Variants in DBR1 observed in about 807,000 individuals in gnomAD.
DBR1 encodes the protein lariat debranching enzyme.
A neutral mutation model predicts 45.9 loss-of-function variants in DBR1; 33 were observed. The observed-to-expected ratio is 0.72, with a 90% CI of 0.55 to 0.96. The LOEUF (loss-of-function observed/expected upper bound fraction) is 0.96. Among genes scored for constraint, DBR1 ranks in the 40% least tolerant of loss-of-function variants. DBR1 has a pLI of 0.00. For missense variants in DBR1, 619 were observed against 667.4 expected, an observed-to-expected ratio of 0.93 and a Z score of 0.80; for synonymous variants, 235 against 235.9, an observed-to-expected ratio of 1.00 and a Z score of 0.04.
intron 5 of DBR1, among the ~76,000 whole-genome samples, chr3:138,165,801 G>A (rs1410571965): frequency 6.6e-6 from 1 of 152,194 alleles, no homozygotes; most frequent in African/African-American, 2.4e-5. Flanking sequence ...AAGGAAAAGT[G>A]ATCTCTGGTG....
chr3:138,162,060 A>G lies in DBR1; in HGVS notation c.1464T>C (p.Asp488=), dbSNP rs763514594. The G allele has an allele frequency of 4.3e-6, 7 of 1,613,984 alleles. No homozygotes were observed. Among genetic ancestry groups the G allele is most frequent in the South Asian group, 1.1e-5 (1 of 91,064 alleles). The change falls in exon 8 of 8, where the codon GAT becomes GAC. Residue 488 remains aspartate (D), a synonymous_variant. Coordinates refer to ENST00000260803, the MANE Select transcript of DBR1 (RefSeq NM_016216.4). ...CAGTCCCACCAGGTTTCCCCTCTCT[A>G]TCAATTGTGGAATCCACCGTATCAT... is the stretch of plus-strand genomic sequence containing the variant. ...SSDDTVDSTI[D]REGKPGGTVE...
chr3:138,169,649 T>C (rs1405299577), intron 4 of DBR1, among the ~76,000 whole-genome samples: 1 of 152,124 alleles, frequency 6.6e-6, no homozygotes, highest in Non-Finnish European at 1.5e-5. Flanking sequence ...AAAAAAAATT[T>C]TGCCGGGCAC....
chr3:138,172,873 T>A (rs2042961486), intron 2 of DBR1, among the ~76,000 whole-genome samples: 1 of 152,142 alleles, frequency 6.6e-6, no homozygotes, highest in African/African-American at 2.4e-5. Context: ...TGGGTCCTAT[T>A]TAAACCAATT....
In DBR1 at chr3:138,169,025, T is replaced by G. The variant is rs868771090; in HGVS notation, c.489+1082A>C. Among the ~76,000 whole-genome samples, 9 of 151,604 alleles carry G rather than the reference T, an allele frequency of 5.9e-5. No homozygotes were observed. In the South Asian group the frequency reaches 1.7e-3, roughly 28 times the overall value. ...GCATCTAAGTTGGGTCTTAAAGGAC[T>G]GGTAGGATTTAGATAGGTGAAAGAG... is the stretch of plus-strand genomic sequence containing the variant. On this transcript the variant is annotated intron_variant, in intron 4 of 7. Transcript: ENST00000260803.
In DBR1 at chr3:138,161,144, T is replaced by C. The variant is rs1373556668; in HGVS notation, c.*745A>G. 1 of 152,158 alleles carries C rather than the reference T, an allele frequency of 6.6e-6. No individual in the cohort carries two copies. Among genetic ancestry groups the C allele is most frequent in the Non-Finnish European group, 1.5e-5 (1 of 68,020 alleles). The allele number at this position is 152,158 out of a possible 1,614,324, so 9.4% of individuals were successfully genotyped here. ...TGAAAAGAAAGCATACATCATAATATATACAATGACTTGATTTTATAAAAC... is the reference window on the plus strand; with the variant it reads ...TGAAAAGAAAGCATACATCATAATACATACAATGACTTGATTTTATAAAAC... On this transcript the variant is annotated 3_prime_UTR_variant, in exon 8 of 8. Coordinates refer to ENST00000260803, the MANE Select transcript of DBR1 (RefSeq NM_016216.4).
chr3:138,167,671 C>G (rs1384072742), intron 4 of DBR1, among the ~76,000 whole-genome samples: 1 of 152,292 alleles, frequency 6.6e-6, no homozygotes, highest in South Asian at 2.1e-4. Context: ...TTGGGCCGGG[C>G]GCGGTGGCTC....
Position 138,170,095 on chromosome 3 carries a change from C to A in DBR1, c.489+12G>T. 6.6e-7 allele frequency: 1 copy of A among 1,520,774 alleles called. No homozygotes were observed. Among genetic ancestry groups the A allele is most frequent in the South Asian group, 1.2e-5 (1 of 86,742 alleles). 94.2% of individuals were successfully genotyped at this position (1,520,774 alleles called of 1,614,324 possible). A position where few individuals can be genotyped will look rare whatever the true frequency, so the allele number is the denominator to read the frequency against. Reference sequence around the variant, plus strand: ...ATGTTTTCAAGTCTGCTGTAATGCGCTTTTTACGTACCTGTTTTAATTTAT... The same window carrying A: ...ATGTTTTCAAGTCTGCTGTAATGCGATTTTTACGTACCTGTTTTAATTTAT... On this transcript the variant is annotated intron_variant, in intron 4 of 7. Transcript: ENST00000260803.
chr3:138,166,493 G>T (rs956408003), intron 5 of DBR1, among the ~76,000 whole-genome samples: 1 of 152,074 alleles, frequency 6.6e-6, no homozygotes, highest in Admixed American at 6.6e-5. Context: ...TAAATAGCCT[G>T]CTCTGCCTCC....
chr3:138,168,306 G>A (rs369838387), intron 4 of DBR1, among the ~76,000 whole-genome samples: 12 of 151,048 alleles, frequency 7.9e-5, no homozygotes, highest in African/African-American at 2.7e-4. Flanking sequence ...TCGCCTGAAG[G>A]TCAGGAGTTC....
At chr3:138,173,425 C>T (rs2042963908) in intron 2 of DBR1, 77 bp downstream of exon 2, 1 of 1,477,384 alleles carries the variant, frequency 6.8e-7, no homozygotes, top group Admixed American at 1.7e-5. Context: ...CATGTCAAGA[C>T]ACAGTCCAAC....
rs1028075862 is a variant in DBR1, at chr3:138,162,336, A to G, written c.1188T>C (p.Tyr396=). 6.2e-7 allele frequency: 1 copy of G among 1,614,194 alleles called. No homozygotes were observed. The highest frequency in any genetic ancestry group is 8.5e-7 in the Non-Finnish European group (1 of 1,180,044). Residue 396 remains tyrosine (Y), a synonymous_variant, in exon 8 of 8, where the codon TAT becomes TAC. Transcript: ENST00000260803. Reference sequence around the variant, plus strand: ...TACTCTCCACATCATCCTGTTCTTCATATTCACCACACACATGATGTTCTT... The same window carrying G: ...TACTCTCCACATCATCCTGTTCTTCGTATTCACCACACACATGATGTTCTT... The part of the protein sequence containing the change: ...SKEEHHVCGE[Y]EEQDDVESND...
chr3:138,174,511 C>G (rs1390897064), intron 1 of DBR1, 88 bp downstream of exon 1: 2 of 1,343,772 alleles, frequency 1.5e-6, no homozygotes, highest in African/African-American at 2.9e-5. Context: ...AGAACAAAGA[C>G]AGGATCTAAG....
chr3:138,174,653 TC>T lies in DBR1; in HGVS notation c.142del (p.Asp48IlefsTer60). 2.5e-6 allele frequency: 4 copies of T among 1,612,576 alleles called. No homozygotes were observed. The highest frequency in any genetic ancestry group is 3.4e-6 in the Non-Finnish European group (4 of 1,179,510). ...GGGCGGCACGGCCATGCAGCGTAGA[TC>T]CGCCTCGTTGCGCACCGCCTGGAAG... is the stretch of plus-strand genomic sequence containing the variant. ...GDFQAVRNEA[D>X]LRCMAVPPKY... On this transcript the variant is annotated frameshift_variant, in exon 1 of 8. Coordinates refer to ENST00000260803, the MANE Select transcript of DBR1 (RefSeq NM_016216.4). LOFTEE classifies it high-confidence loss of function.
rs994249932 is a variant in DBR1, at chr3:138,163,229, T to C, written c.941+120A>G. On this transcript the variant is annotated intron_variant, in intron 7 of 7. Transcript: ENST00000260803. ...GAGCCAAGATCCAAGATCACACCAC[T>C]GCAGTCCAGTTTGGATAACAGAGCT... 7 of 997,938 alleles carry C rather than the reference T, an allele frequency of 7.0e-6. No individual in the cohort carries two copies. In the South Asian group the frequency reaches 1.3e-4, roughly 18 times the overall value. 61.8% of individuals were successfully genotyped at this position (997,938 alleles called of 1,614,324 possible).
intron 5 of DBR1, among the ~76,000 whole-genome samples, chr3:138,165,972 G>A (rs1272281860): frequency 6.6e-6 from 1 of 152,206 alleles, no homozygotes; most frequent in Non-Finnish European, 1.5e-5. Flanking sequence ...ACAACAGAAA[G>A]GGCGTATAGG....
intron 5 of DBR1, 46 bp downstream of exon 5, chr3:138,167,035 T>A: frequency 6.5e-7 from 1 of 1,541,854 alleles, no homozygotes; most frequent in Non-Finnish European, 9.0e-7. Flanking sequence ...TCCATAGATG[T>A]TCAATAGTGT....
chr3:138,173,638 G>T lies in DBR1; in HGVS notation c.198-12C>A. On this transcript the variant is annotated splice_polypyrimidine_tract_variant and intron_variant, in intron 1 of 7. Coordinates refer to ENST00000260803, the MANE Select transcript of DBR1 (RefSeq NM_016216.4). Reference sequence around the variant, plus strand: ...CTCCAGAGTAATACCTAGAACATAAGAGCAAAGTCAGTTACCACAATTAGG... The same window carrying T: ...CTCCAGAGTAATACCTAGAACATAATAGCAAAGTCAGTTACCACAATTAGG... 6.2e-7 allele frequency: 1 copy of T among 1,602,816 alleles called. No individual in the cohort carries two copies. Among genetic ancestry groups the T allele is most frequent in the South Asian group, 1.1e-5 (1 of 88,870 alleles).
Position 138,174,610 on chromosome 3 carries a change from T to C in DBR1, c.186A>G (p.Gln62=). ...GGCCGCGTCCTCACCTGTAGAAGGTTTGCATGTGACGATACTTGGGCGGCA... is the reference window on the plus strand; with the variant it reads ...GGCCGCGTCCTCACCTGTAGAAGGTCTGCATGTGACGATACTTGGGCGGCA... ...MAVPPKYRHM[Q]TFYRYYSGEK... The change falls in exon 1 of 8, where the codon CAA becomes CAG. Residue 62 remains glutamine, a synonymous_variant. Coordinates refer to ENST00000260803, the MANE Select transcript of DBR1 (RefSeq NM_016216.4). 6.2e-7 allele frequency: 1 copy of C among 1,607,122 alleles called. No individual in the cohort carries two copies. Among genetic ancestry groups the C allele is most frequent in the Non-Finnish European group, 8.5e-7 (1 of 1,175,882 alleles).
At chr3:138,170,828 T>C (rs1033126606) in intron 3 of DBR1, among the ~76,000 whole-genome samples, 1 of 152,268 alleles carries the variant, frequency 6.6e-6, no homozygotes, top group Non-Finnish European at 1.5e-5. Flanking sequence ...GAAATTAATA[T>C]GCAGTTGTGA....
Sources: gnomAD v4.1 joint callset for allele counts (sites outside exome capture counted in the v4.1 genomes callset) on GRCh38, gnomAD v4.1.1 for gene constraint, MANE v1.5 for transcripts, NCBI Gene and HGNC (gene_info 2026-07-23, HGNC 2026-07-21) for gene names.